The following ZNF385D variants were observed in gnomAD, a reference collection of about 807,000 sequenced individuals.
ZNF385D encodes zinc finger protein 385D.
A neutral mutation model predicts 35.8 loss-of-function variants in ZNF385D; 15 were observed. The ratio of observed to expected loss-of-function variants is 0.42; its 90% confidence interval spans 0.28 to 0.64. The LOEUF (loss-of-function observed/expected upper bound fraction) is 0.64, where lower values mean the gene tolerates loss of function less well. Ranked by LOEUF, ZNF385D falls within the 30% of genes least tolerant of loss-of-function variation. The probability of loss-of-function intolerance (pLI) is 0.23; values close to 1 mark genes in which losing one functional copy is unlikely to be tolerated. For missense variants in ZNF385D, 474 were observed against 494.6 expected (o/e 0.96, Z 0.39); for synonymous variants, 212 against 186.8 (o/e 1.13, Z -1.10).
intron 3 of ZNF385D, among the ~76,000 whole-genome samples, chr3:21,786,033 T>TTTA (rs1553663513): frequency 2.0e-5 from 3 of 151,932 alleles, no homozygotes; most frequent in East Asian, 1.9e-4. Context: ...TTTTTTTTTT[T>TTTA]ACCATGTGAC....
chr3:22,000,098 G>A (rs1695741731), intron 3 of ZNF385D, among the ~76,000 whole-genome samples: 1 of 152,082 alleles, frequency 6.6e-6, no homozygotes, highest in East Asian at 1.9e-4. Flanking sequence ...GAGCTCAGGA[G>A]ATCAAGACCA....
intron 3 of ZNF385D, among the ~76,000 whole-genome samples, chr3:21,945,205 G>T (rs1034427529): frequency 6.6e-6 from 1 of 151,876 alleles, no homozygotes; most frequent in East Asian, 1.9e-4. Flanking sequence ...TTGAGAGAAA[G>T]AGAATGAAAG....
At chr3:21,517,252 G>A (rs779434084) in intron 3 of ZNF385D, among the ~76,000 whole-genome samples, 41 of 152,040 alleles carry the variant, frequency 2.7e-4, no homozygotes, top group Non-Finnish European at 3.8e-4. Flanking sequence ...CACCTGCTGT[G>A]TCCAGACACC....
chr3:22,270,518 T>C (rs1576592701), intron 2 of ZNF385D, among the ~76,000 whole-genome samples: 1 of 152,182 alleles, frequency 6.6e-6, no homozygotes, highest in East Asian at 1.9e-4. Context: ...ATTAAATTAA[T>C]AGTAACTATT....
chr3:22,304,531 T>C (rs1703098044), intron 2 of ZNF385D, among the ~76,000 whole-genome samples: 1 of 152,192 alleles, frequency 6.6e-6, no homozygotes, highest in Non-Finnish European at 1.5e-5. Flanking sequence ...AGGGCCCTTG[T>C]TGGAAATAAT....
At chr3:22,216,905 C>G (rs552727737) in intron 2 of ZNF385D, among the ~76,000 whole-genome samples, 12 of 152,088 alleles carry the variant, frequency 7.9e-5, no homozygotes, top group Non-Finnish European at 1.3e-4. Flanking sequence ...ATTTGAAAGT[C>G]ATATGATGAA....
intron 3 of ZNF385D, among the ~76,000 whole-genome samples, chr3:22,092,320 G>A (rs1701374788): frequency 6.6e-6 from 1 of 152,142 alleles, no homozygotes; most frequent in South Asian, 2.1e-4. Context: ...TATGCTTCTT[G>A]ACGTTGGCTC....
intron 3 of ZNF385D, among the ~76,000 whole-genome samples, chr3:21,791,758 T>C (rs1466122547): frequency 6.6e-6 from 1 of 152,176 alleles, no homozygotes; most frequent in Non-Finnish European, 1.5e-5. Flanking sequence ...GTTGTTGAGA[T>C]GGCATCTCAC....
chr3:22,341,784 T>G (rs960482577), intron 2 of ZNF385D, among the ~76,000 whole-genome samples: 1 of 152,222 alleles, frequency 6.6e-6, no homozygotes, highest in Non-Finnish European at 1.5e-5. Flanking sequence ...CTTCTACTTA[T>G]CATTCAACAT....
intron 2 of ZNF385D, among the ~76,000 whole-genome samples, chr3:22,252,495 G>A (rs553626919): frequency 1.3e-5 from 2 of 152,156 alleles, no homozygotes; most frequent in African/African-American, 4.8e-5. Flanking sequence ...ACAAAGATAT[G>A]AGCAGAGTTC....
chr3:21,492,395 AAAAC>A (rs1041035703), intron 4 of ZNF385D, among the ~76,000 whole-genome samples: 7 of 152,060 alleles, frequency 4.6e-5, no homozygotes, highest in Middle Eastern at 3.4e-3. Flanking sequence ...TAAACAAACA[AAAAC>A]AAACAAACAA....
At chr3:22,138,282 C>T (rs1472039164) in intron 3 of ZNF385D, among the ~76,000 whole-genome samples, 1 of 152,202 alleles carries the variant, frequency 6.6e-6, no homozygotes, top group South Asian at 2.1e-4. Flanking sequence ...CATCAAGCTA[C>T]CAATGACTTT....
intron 2 of ZNF385D, among the ~76,000 whole-genome samples, chr3:21,653,772 A>G (rs773260812): frequency 7.4e-5 from 11 of 147,884 alleles, no homozygotes; most frequent in South Asian, 2.1e-4. Flanking sequence ...AACTATCCGG[A>G]AAAAAAAAGG....
At chr3:21,980,534 T>G (rs1694372744) in intron 3 of ZNF385D, among the ~76,000 whole-genome samples, 1 of 152,192 alleles carries the variant, frequency 6.6e-6, no homozygotes, top group African/African-American at 2.4e-5. Flanking sequence ...GCTGATTTTG[T>G]AGATCACATA....
chr3:22,207,562 T>A (rs1156894124), intron 2 of ZNF385D, among the ~76,000 whole-genome samples: 1 of 151,768 alleles, frequency 6.6e-6, no homozygotes. Context: ...ACAGCAAGCA[T>A]AGGCATGCAA....
intron 3 of ZNF385D, among the ~76,000 whole-genome samples, chr3:22,048,945 C>T (rs1043162216): frequency 6.6e-6 from 1 of 152,024 alleles, no homozygotes; most frequent in Admixed American, 6.6e-5. Context: ...AATTTTTAGT[C>T]TACAGACTAT....
chr3:21,790,259 AT>A (rs5847137), intron 3 of ZNF385D, among the ~76,000 whole-genome samples: 142,472 of 152,070 alleles, frequency 0.94, 66,753 homozygotes, highest in East Asian at 0.98. Context: ...CTTTTTTTCA[AT>A]TAAAAAAGTG....
chr3:22,187,915 G>A (rs1015441975), intron 2 of ZNF385D, among the ~76,000 whole-genome samples: 1 of 152,116 alleles, frequency 6.6e-6, no homozygotes, highest in Non-Finnish European at 1.5e-5. Flanking sequence ...CCACACACAA[G>A]AATGTCCACA....
At chr3:21,655,230 A>G (rs947325640) in intron 2 of ZNF385D, among the ~76,000 whole-genome samples, 6 of 151,780 alleles carry the variant, frequency 4.0e-5, no homozygotes, top group African/African-American at 1.5e-4. Flanking sequence ...ACCTTTACTC[A>G]CTCCTAGAAG....
Sources: allele counts gnomAD v4.1 joint callset (sites outside exome capture counted in the v4.1 genomes callset), GRCh38; gene constraint gnomAD v4.1.1; transcripts MANE v1.5; gene names NCBI Gene and HGNC (gene_info 2026-07-23, HGNC 2026-07-21).